ST3GAL3: variants seen among roughly 807,000 people sequenced by gnomAD.
ST3GAL3 encodes ST3 beta-galactoside alpha-2,3-sialyltransferase 3.
Under a neutral mutation model 50.1 loss-of-function variants are expected in ST3GAL3, and 21 were observed. The observed-to-expected ratio is 0.42, with a 90% confidence interval of 0.30 to 0.60. The LOEUF is 0.60. Among genes scored for constraint, ST3GAL3 ranks in the 20% least tolerant of loss-of-function variants. The pLI is 0.19. For synonymous variants in ST3GAL3, 183 were observed against 190.0 expected (o/e 0.96, Z 0.30); for missense variants, 353 against 489.4 (o/e 0.72, Z 2.63).
At chr1:43,904,912 C>T (rs1463754557) in intron 9 of ST3GAL3, among the ~76,000 whole-genome samples, 2 of 118,134 alleles carry the variant, frequency 1.7e-5, no homozygotes, top group African/African-American at 3.1e-5. Context: ...TCCTCCTGCT[C>T]CTCTTCCCGC....
At chr1:43,764,731 C>T (rs972871213) in intron 2 of ST3GAL3, among the ~76,000 whole-genome samples, 8 of 152,344 alleles carry the variant, frequency 5.3e-5, no homozygotes, top group African/African-American at 1.4e-4. Flanking sequence ...CCTCCTGACC[C>T]GTCATTGGAC....
At chr1:43,921,890 C>T in intron 11 of ST3GAL3, 1 of 397,834 alleles carries the variant, frequency 2.5e-6, no homozygotes, top group Non-Finnish European at 4.4e-6. Context: ...AGGTCACCAC[C>T]TCAAGGTGGC....
At chr1:43,805,585 T>G (rs1374498951) in intron 3 of ST3GAL3, among the ~76,000 whole-genome samples, 1 of 152,184 alleles carries the variant, frequency 6.6e-6, no homozygotes, top group Non-Finnish European at 1.5e-5. Context: ...GATGCACCTG[T>G]GAGGAAAAGA....
At chr1:43,922,007 T>G (rs2083108931) in intron 11 of ST3GAL3, 1 of 358,316 alleles carries the variant, frequency 2.8e-6, no homozygotes, top group Non-Finnish European at 5.0e-6. Flanking sequence ...CCAACATTCC[T>G]CTTATTTCAC....
At chr1:43,890,875 C>T (rs999809775) in intron 5 of ST3GAL3, among the ~76,000 whole-genome samples, 3 of 151,806 alleles carry the variant, frequency 2.0e-5, no homozygotes, top group Non-Finnish European at 4.4e-5. Context: ...CAGACGTATA[C>T]GGGACAGATG....
At chr1:43,827,911 G>T (rs2063035011) in intron 4 of ST3GAL3, among the ~76,000 whole-genome samples, 2 of 152,126 alleles carry the variant, frequency 1.3e-5, no homozygotes, top group Admixed American at 1.3e-4. Context: ...AACAACTTAC[G>T]TTAAAATTTA....
chr1:43,822,264 G>T (rs991127646), intron 4 of ST3GAL3, among the ~76,000 whole-genome samples: 1 of 152,194 alleles, frequency 6.6e-6, no homozygotes, highest in Non-Finnish European at 1.5e-5. Context: ...CCAGATCCTG[G>T]TGTCCAAGTG....
At chr1:43,917,636 TAA>T (rs1557540629) in intron 9 of ST3GAL3, among the ~76,000 whole-genome samples, 1,264 of 76,266 alleles carry the variant, frequency 0.017, 49 homozygotes, top group African/African-American at 0.073. Flanking sequence ...ATATAATATA[TAA>T]TATAATATAT....
intron 9 of ST3GAL3, among the ~76,000 whole-genome samples, chr1:43,915,664 A>G (rs2081658527): frequency 6.6e-6 from 1 of 152,190 alleles, no homozygotes; most frequent in Non-Finnish European, 1.5e-5. Flanking sequence ...AGAGACAAGG[A>G]GCAGCATCAG....
At chr1:43,895,491 G>A (rs1328284572) in intron 6 of ST3GAL3, among the ~76,000 whole-genome samples, 1 of 152,186 alleles carries the variant, frequency 6.6e-6, no homozygotes, top group Non-Finnish European at 1.5e-5. Flanking sequence ...CTGTGACCCT[G>A]GACAAGTTGC....
chr1:43,835,715 A>G (rs1448082957), intron 4 of ST3GAL3, among the ~76,000 whole-genome samples: 1 of 152,144 alleles, frequency 6.6e-6, no homozygotes, highest in Non-Finnish European at 1.5e-5. Flanking sequence ...TTATTTCTGC[A>G]CTGCACTGTG....
At chr1:43,845,072 C>T (rs12723279) in intron 5 of ST3GAL3, among the ~76,000 whole-genome samples, 84,576 of 151,912 alleles carry the variant, frequency 0.56, 26,782 homozygotes, top group Non-Finnish European at 0.72. Flanking sequence ...CAACCTCCGC[C>T]TCCTGGGTTC....
At chr1:43,738,451 A>C (rs1426146104) in intron 2 of ST3GAL3, 2 of 151,168 alleles carry the variant, frequency 1.3e-5, no homozygotes, top group Non-Finnish European at 2.9e-5. Context: ...GAGTAATAGG[A>C]CCCACCCTGC....
chr1:43,752,956 A>G (rs1686724350), intron 2 of ST3GAL3, among the ~76,000 whole-genome samples: 1 of 152,228 alleles, frequency 6.6e-6, no homozygotes, highest in African/African-American at 2.4e-5. Flanking sequence ...TTCATATTTG[A>G]ACAGTAACTC....
At chr1:43,771,872 G>A (rs1695370128) in intron 2 of ST3GAL3, 1 of 396,672 alleles carries the variant, frequency 2.5e-6, no homozygotes, top group Non-Finnish European at 4.4e-6. Flanking sequence ...ACCTCCCTTT[G>A]TTTTTTTACA....
chr1:43,762,900 G>A (rs1009829228), intron 2 of ST3GAL3, among the ~76,000 whole-genome samples: 16 of 152,100 alleles, frequency 1.1e-4, no homozygotes, highest in African/African-American at 3.6e-4. Context: ...GGCACAATGG[G>A]AAGAAGCCTG....
At chr1:43,807,908 G>A (rs1456000325) in intron 3 of ST3GAL3, among the ~76,000 whole-genome samples, 2 of 152,184 alleles carry the variant, frequency 1.3e-5, no homozygotes, top group African/African-American at 4.8e-5. Flanking sequence ...GGTTCTGGGT[G>A]TGTGTGAGGG....
chr1:43,792,254 C>A, intron 3 of ST3GAL3, 105 bp downstream of exon 3: 1 of 1,427,010 alleles, frequency 7.0e-7, no homozygotes, highest in Non-Finnish European at 9.9e-7. Flanking sequence ...AGTGGAATAT[C>A]CCAGAATTGG....
At chr1:43,910,560 G>T (rs2154285380) in intron 9 of ST3GAL3, among the ~76,000 whole-genome samples, 1 of 152,356 alleles carries the variant, frequency 6.6e-6, no homozygotes, top group Middle Eastern at 3.4e-3. Flanking sequence ...ATGGGCACAA[G>T]AAATATTGCC....
Sources: gnomAD v4.1 joint callset for allele counts (sites outside exome capture counted in the v4.1 genomes callset) on GRCh38, gnomAD v4.1.1 for gene constraint, MANE v1.5 for transcripts, NCBI Gene and HGNC (gene_info 2026-07-23, HGNC 2026-07-21) for gene names.